The following RYR3 variants were observed in gnomAD, a reference collection of about 807,000 sequenced individuals.
RYR3 encodes the protein brain ryanodine receptor-calcium release channel.
A neutral mutation model predicts 584.3 loss-of-function variants in RYR3; 207 were observed. The observed-to-expected ratio is 0.35, with a 90% CI of 0.32 to 0.40. The LOEUF is 0.40. Among genes scored for constraint, RYR3 ranks in the 10% least tolerant of loss-of-function variants. RYR3 has a pLI of 1.00. For missense variants in RYR3, 5,616 were observed against 6,089.2 expected (o/e 0.92, Z 2.59); for synonymous variants, 2,416 against 2,248.5 (o/e 1.07, Z -2.11).
intron 93 of RYR3, among the ~76,000 whole-genome samples, chr15:33,845,297 G>A (rs2078649757): frequency 1.3e-5 from 2 of 152,174 alleles, no homozygotes; most frequent in Admixed American, 1.3e-4. Context: ...TTGTCTCGCA[G>A]GCTGGAGTGC....
chr15:33,529,671 G>A (rs2054687271), intron 3 of RYR3, among the ~76,000 whole-genome samples: 1 of 152,206 alleles, frequency 6.6e-6, no homozygotes, highest in African/African-American at 2.4e-5. Context: ...AAGGGTGTGT[G>A]ATCAAAAACT....
chr15:33,328,496 A>G (rs1010046295), intron 1 of RYR3, among the ~76,000 whole-genome samples: 2 of 152,204 alleles, frequency 1.3e-5, no homozygotes, highest in African/African-American at 4.8e-5. Flanking sequence ...CTCTATCACT[A>G]ATCTTCATGG....
chr15:33,663,920 T>C (rs1323729725), intron 36 of RYR3, among the ~76,000 whole-genome samples, 183 bp downstream of exon 36: 4 of 152,194 alleles, frequency 2.6e-5, no homozygotes, highest in South Asian at 2.1e-4. Context: ...GCCAATTCTC[T>C]TGGGTAGGAA....
At chr15:33,461,470 C>T (rs887597615) in intron 1 of RYR3, among the ~76,000 whole-genome samples, 1 of 152,082 alleles carries the variant, frequency 6.6e-6, no homozygotes, top group Non-Finnish European at 1.5e-5. Context: ...CTATTTGACC[C>T]ACAATTCTAA....
intron 48 of RYR3, among the ~76,000 whole-genome samples, chr15:33,735,931 C>A (rs1271690145): frequency 6.6e-6 from 1 of 152,322 alleles, no homozygotes; most frequent in East Asian, 1.9e-4. Context: ...CACCTTCTTT[C>A]TGTTATATTC....
At chr15:33,724,470 T>G (rs2068193908) in intron 45 of RYR3, among the ~76,000 whole-genome samples, 1 of 152,172 alleles carries the variant, frequency 6.6e-6, no homozygotes, top group Non-Finnish European at 1.5e-5. Flanking sequence ...CTCAATTTGG[T>G]CAAAATGGGA....
At position 33,731,541 on chromosome 15, in the gene RYR3, T is replaced by A; in HGVS notation, c.7271T>A (p.Leu2424His). 1.2e-6 allele frequency: 2 copies of A among 1,613,896 alleles called. No individual in the cohort carries two copies. Among genetic ancestry groups the A allele is most frequent in the Non-Finnish European group, 1.7e-6 (2 of 1,179,866 alleles). Residue 2424 changes from leucine to histidine, a missense_variant, in exon 48 of 104, where the codon CTC becomes CAC. Leu to His is a moderately conservative substitution (Grantham distance 99). Transcript: ENST00000634891. ...NRYICSAVLP[L>H]LTRCAPLFAG... ...TATATATGTTCTGCTGTGCTCCCGC[T>A]CCTCACAAGATGTGCCCCTCTCTTT...
chr15:33,505,160 A>G (rs2052361104), intron 3 of RYR3, among the ~76,000 whole-genome samples: 1 of 152,242 alleles, frequency 6.6e-6, no homozygotes, highest in Non-Finnish European at 1.5e-5. Context: ...ACAATTGACC[A>G]TAGAATCAAG....
chr15:33,372,354 G>A (rs1386045974), intron 1 of RYR3, among the ~76,000 whole-genome samples: 14 of 145,516 alleles, frequency 9.6e-5, no homozygotes, highest in Non-Finnish European at 1.9e-4. Flanking sequence ...GCCATGCCCG[G>A]CTAATTTTTT....
In RYR3 at chr15:33,579,886, G is replaced by T. The variant is rs1008312528; in HGVS notation, c.1269-90G>T. The T allele has an allele frequency of 5.2e-6, 5 of 959,518 alleles. No individual in the cohort carries two copies. The East Asian group carries it at 8.3e-5, about 16-fold the overall frequency. 59.4% of individuals were successfully genotyped at this position (959,518 alleles called of 1,614,324 possible). ...AAGGAAGCAACTCATGGTGCACCGT[G>T]GGGGGCTGTTAGGAGTGGGACCCAG... On this transcript the variant is annotated intron_variant, in intron 12 of 103. Coordinates refer to ENST00000634891, the MANE Select transcript of RYR3 (RefSeq NM_001036.6).
At chr15:33,475,879 T>C (rs562418171) in intron 2 of RYR3, among the ~76,000 whole-genome samples, 15 of 152,328 alleles carry the variant, frequency 9.8e-5, no homozygotes, top group Admixed American at 5.9e-4. Flanking sequence ...GTACAAGACA[T>C]TTAAACTGGG....
chr15:33,563,090 A>T, intron 11 of RYR3, 80 bp downstream of exon 11: 1 of 1,125,888 alleles, frequency 8.9e-7, no homozygotes. Context: ...TCTGAGAACC[A>T]GGTGGACATG....
chr15:33,460,542 G>T (rs183158143), intron 1 of RYR3, among the ~76,000 whole-genome samples: 1 of 152,142 alleles, frequency 6.6e-6, no homozygotes. Flanking sequence ...TACAGAACTG[G>T]ATTTACAGCA....
At chr15:33,741,655 C>G (rs2070131064) in intron 51 of RYR3, among the ~76,000 whole-genome samples, 1 of 152,056 alleles carries the variant, frequency 6.6e-6, no homozygotes, top group South Asian at 2.1e-4. Context: ...ACTCTGTCAC[C>G]CAGGCTGGAG....
chr15:33,860,774 G>A, intron 101 of RYR3, 115 bp downstream of exon 101: 1 of 854,020 alleles, frequency 1.2e-6, no homozygotes, highest in African/African-American at 1.8e-5. Context: ...CAAGAACGCA[G>A]TTTGTTTTCC....
chr15:33,611,968 C>T (rs946642079), intron 18 of RYR3, among the ~76,000 whole-genome samples: 3 of 152,152 alleles, frequency 2.0e-5, no homozygotes, highest in African/African-American at 7.2e-5. Context: ...TGTATACTTT[C>T]CTGTATAAAT....
At chr15:33,562,687 T>C (rs1007930811) in intron 10 of RYR3, 150 bp from the exon 11 acceptor site, 18 of 588,462 alleles carry the variant, frequency 3.1e-5, no homozygotes, top group African/African-American at 2.1e-4. Context: ...AACAAGTCTT[T>C]CTGAAATCCT....
At chr15:33,685,639 A>C (rs1324870556) in intron 38 of RYR3, among the ~76,000 whole-genome samples, 1 of 152,238 alleles carries the variant, frequency 6.6e-6, no homozygotes, top group Non-Finnish European at 1.5e-5. Flanking sequence ...CAGAATATAC[A>C]TTCTTCTCAG....
At chr15:33,816,258 A>G (rs1031037073) in intron 74 of RYR3, among the ~76,000 whole-genome samples, 1 of 152,228 alleles carries the variant, frequency 6.6e-6, no homozygotes, top group Admixed American at 6.5e-5. Context: ...GGCTCATGCC[A>G]GTTATTCAGT....
Sources: gnomAD v4.1 joint callset for allele counts (sites outside exome capture counted in the v4.1 genomes callset) on GRCh38, gnomAD v4.1.1 for gene constraint, MANE v1.5 for transcripts, NCBI Gene and HGNC (gene_info 2026-07-23, HGNC 2026-07-21) for gene names.